Variants in PARK7 observed in about 807,000 individuals in gnomAD.
PARK7 encodes Parkinson disease protein 7.
In PARK7, 14 loss-of-function variants were observed where a neutral mutation model predicts 20.5. The ratio of observed to expected loss-of-function variants is 0.68; its 90% CI spans 0.45 to 1.07. The LOEUF is 1.07. PARK7 is among the 50% of genes least tolerant of loss of function. The pLI is 0.00. For synonymous variants in PARK7, 98 were observed against 84.3 expected (o/e 1.16, Z -0.89); for missense variants, 234 against 238.1 (o/e 0.98, Z 0.11).
At position 7,981,965 on chromosome 1, in the gene PARK7, C is replaced by CTTTT. The variant is rs71567337; in HGVS notation, c.410-2904_410-2901dup. Among the ~76,000 whole-genome samples, 49 of 84,378 alleles carry CTTTT rather than the reference C, an allele frequency of 5.8e-4. 8 individuals are homozygous for CTTTT. The highest frequency in any genetic ancestry group is 2.7e-3 in the East Asian group (5 of 1,884). 55.4% of individuals were successfully genotyped at this position (84,378 alleles called of 152,430 possible). ...GAGCCACTATGCCCAGCCCCCCCGC[C>CTTTT]TTTTTTTTTTTTTTTTTTTTTTTTT... On this transcript the variant is annotated intron_variant, in intron 6 of 6. Transcript: ENST00000338639.
At chr1:7,967,286 T>C (rs1252846961) in intron 3 of PARK7, among the ~76,000 whole-genome samples, 1 of 152,224 alleles carries the variant, frequency 6.6e-6, no homozygotes, top group Non-Finnish European at 1.5e-5. Flanking sequence ...CCATTGTGTA[T>C]AAATGCCACA....
rs202246489 is a variant in PARK7 at position 7,977,741 on chromosome 1, A to G, written c.409+3A>G. The G allele has an allele frequency of 1.2e-6, 2 of 1,612,494 alleles. No individual in the cohort carries two copies. Among genetic ancestry groups the G allele is most frequent in the Non-Finnish European group, 1.7e-6 (2 of 1,178,574 alleles). Reference sequence around the variant, plus strand: ...TAAAGACAAAATGATGAATGGAGGTAAGTATATGCTTGTTTTTGTTTGTTT... The same window carrying G: ...TAAAGACAAAATGATGAATGGAGGTGAGTATATGCTTGTTTTTGTTTGTTT... On this transcript the variant is annotated splice_donor_region_variant and intron_variant, in intron 6 of 6. Coordinates refer to ENST00000338639, the MANE Select transcript of PARK7 (RefSeq NM_007262.5).
At chr1:7,962,992 C>G in intron 2 of PARK7, 117 bp downstream of exon 2, 1 of 841,258 alleles carries the variant, frequency 1.2e-6, no homozygotes, top group Non-Finnish European at 2.0e-6. Context: ...CACAAAATTT[C>G]AGAGATGACA....
chr1:7,963,443 G>A (rs564070053), intron 2 of PARK7, among the ~76,000 whole-genome samples: 1 of 151,160 alleles, frequency 6.6e-6, no homozygotes, highest in South Asian at 2.1e-4. Flanking sequence ...GAACGCAGTG[G>A]TGTGATCTCT....
intron 5 of PARK7, 44 bp downstream of exon 5, chr1:7,971,007 G>A (rs779375268): frequency 3.7e-6 from 6 of 1,601,448 alleles, no homozygotes; most frequent in East Asian, 2.2e-5. Context: ...ATTGGTGGGT[G>A]GGGTAGCCTT....
At chr1:7,963,746 A>C (rs1405096125) in intron 2 of PARK7, among the ~76,000 whole-genome samples, 3 of 151,236 alleles carry the variant, frequency 2.0e-5, no homozygotes, top group African/African-American at 7.3e-5. Context: ...AAATTTCTCC[A>C]ATCCTATGCC....
chr1:7,974,521 CG>C (rs1640535232), intron 5 of PARK7, among the ~76,000 whole-genome samples: 1 of 150,906 alleles, frequency 6.6e-6, no homozygotes, highest in Admixed American at 6.6e-5. Context: ...CCCAGCTACT[CG>C]GGAGGCTGAG....
intron 6 of PARK7, among the ~76,000 whole-genome samples, chr1:7,980,286 A>G (rs952649366): frequency 6.6e-6 from 1 of 152,222 alleles, no homozygotes; most frequent in Non-Finnish European, 1.5e-5. Flanking sequence ...AATGGAAAGA[A>G]CAGAACTGGG....
intron 6 of PARK7, among the ~76,000 whole-genome samples, chr1:7,981,413 A>C (rs1042919541): frequency 6.6e-6 from 1 of 152,220 alleles, no homozygotes; most frequent in African/African-American, 2.4e-5. Context: ...CAGACCTGGG[A>C]TTTGAACCCA....
intron 6 of PARK7, among the ~76,000 whole-genome samples, chr1:7,980,021 C>T (rs937095890): frequency 1.3e-5 from 2 of 151,828 alleles, no homozygotes; most frequent in Admixed American, 6.6e-5. Flanking sequence ...ATTAGCTGGG[C>T]GTGGTGGCGG....
intron 6 of PARK7, among the ~76,000 whole-genome samples, chr1:7,983,794 G>A (rs1640760619): frequency 6.6e-6 from 1 of 152,234 alleles, no homozygotes; most frequent in Non-Finnish European, 1.5e-5. Flanking sequence ...GGACAGGCGA[G>A]AAAGGAGATC....
chr1:7,976,052 A>G (rs185063244), intron 5 of PARK7, among the ~76,000 whole-genome samples: 2 of 152,308 alleles, frequency 1.3e-5, no homozygotes, highest in Non-Finnish European at 2.9e-5. Context: ...ATTAGGTAGT[A>G]TTTGTGTGAT....
intron 1 of PARK7, chr1:7,962,168 A>G (rs903595724): frequency 6.6e-6 from 1 of 152,616 alleles, no homozygotes; most frequent in Non-Finnish European, 1.5e-5. Context: ...AACTCCGCGC[A>G]GAGAGACAGA....
chr1:7,972,144 G>C (rs1029316551), intron 5 of PARK7, among the ~76,000 whole-genome samples: 1 of 151,958 alleles, frequency 6.6e-6, no homozygotes, highest in Non-Finnish European at 1.5e-5. Context: ...ATGTTCTTTT[G>C]GTGCACTTGC....
intron 5 of PARK7, among the ~76,000 whole-genome samples, chr1:7,972,911 T>G (rs1640494835): frequency 6.6e-6 from 1 of 152,006 alleles, no homozygotes; most frequent in South Asian, 2.1e-4. Flanking sequence ...GTTAGCTGGG[T>G]ATGGTGATGC....
At chr1:7,965,487 A>T (rs1640305930) in intron 3 of PARK7, 62 bp downstream of exon 3, 21 of 1,450,406 alleles carry the variant, frequency 1.4e-5, no homozygotes, top group Non-Finnish European at 1.9e-6. Context: ...GAAATGTCTT[A>T]AGAGTGTTGT....
At chr1:7,969,497 T>A in intron 4 of PARK7, 93 bp downstream of exon 4, 2 of 874,682 alleles carry the variant, frequency 2.3e-6, no homozygotes, top group Non-Finnish European at 3.7e-6. Context: ...TTAATTTTGT[T>A]ATTATTCAAA....
Position 7,984,035 on chromosome 1 carries a change from G to T in PARK7, c.410-859G>T, listed in dbSNP as rs943435967. 2.6e-5 allele frequency among the ~76,000 whole-genome samples: 4 copies of T among 152,176 alleles called. No homozygotes were observed. The highest frequency in any genetic ancestry group is 9.7e-5 in the African/African-American group (4 of 41,426). The stretch of plus-strand genomic sequence containing the variant: ...ATAGAGGTACCTAATTTGGGGAGGT[G>T]GGGGTGGTCACAGATACCCTCTCTG... On this transcript the variant is annotated intron_variant, in intron 6 of 6. Coordinates refer to ENST00000338639, the MANE Select transcript of PARK7 (RefSeq NM_007262.5). The surrounding 1 kb of genome is among the most constrained non-coding windows in gnomAD (Gnocchi z 4.3).
At chr1:7,973,471 T>C (rs1049453620) in intron 5 of PARK7, among the ~76,000 whole-genome samples, 4 of 152,238 alleles carry the variant, frequency 2.6e-5, no homozygotes, top group Admixed American at 2.0e-4. Flanking sequence ...CAGTTTGTCC[T>C]GTGCCACAAA....
Sources: gnomAD v4.1 joint callset for allele counts (sites outside exome capture counted in the v4.1 genomes callset) on GRCh38, gnomAD v4.1.1 for gene constraint, Gnocchi (gnomAD v3.1) non-coding constraint, MANE v1.5 for transcripts, NCBI Gene and HGNC (gene_info 2026-07-23, HGNC 2026-07-21) for gene names.